Variants in NEMP2 observed in about 807,000 individuals in gnomAD.
The protein encoded by NEMP2 is UPF0571 transmembrane protein.
A neutral mutation model predicts 54.2 loss-of-function variants in NEMP2; 53 were observed. The ratio of observed to expected loss-of-function variants is 0.98; its 90% confidence interval spans 0.78 to 1.23. The LOEUF is 1.23. Ranked by LOEUF, NEMP2 falls within the 50% of genes most tolerant of loss-of-function variation. The pLI, the probability that NEMP2 is intolerant of heterozygous loss-of-function variation, is 0.00. For synonymous variants in NEMP2, 197 were observed against 190.3 expected (o/e 1.04, Z -0.29); for missense variants, 455 against 511.3 (o/e 0.89, Z 1.06).
In NEMP2 at chr2:190,514,474, C is replaced by G. The variant is rs1195183723; in HGVS notation, c.932G>C (p.Arg311Thr). ...ATACCACCTCATATAACTGCATGCTCTCAGTGGGTAGTGCAGACTCCAGGA... is the reference window on the plus strand; with the variant it reads ...ATACCACCTCATATAACTGCATGCTGTCAGTGGGTAGTGCAGACTCCAGGA... ...MSSWSLHYPL[R>T]ACSYMRWKME... The change falls in exon 7 of 9, where the codon AGA becomes ACA. Residue 311 changes from arginine to threonine, a missense_variant. Coordinates refer to ENST00000409150, the MANE Select transcript of NEMP2 (RefSeq NM_001142645.2). This position sits in a 1 kb window ranked among gnomAD's most constrained non-coding sequence, Gnocchi z 5.7. 4 of 1,551,268 alleles carry G rather than the reference C, an allele frequency of 2.6e-6. No homozygotes were observed. The East Asian group carries it at 7.3e-5, about 28-fold the overall frequency.
chr2:190,449,157 A>G, the NEMP2 span, among the ~76,000 whole-genome samples: 1 of 152,126 alleles, frequency 6.6e-6, no homozygotes, highest in African/African-American at 2.4e-5. Flanking sequence ...TTAAAATGAG[A>G]TCAGGTGCAA....
At chr2:190,571,488 A>C in the NEMP2 span, among the ~76,000 whole-genome samples, 1 of 152,074 alleles carries the variant, frequency 6.6e-6, no homozygotes. Flanking sequence ...GGTTGCAGTG[A>C]GCCAAGATCC....
intron 1 of NEMP2, among the ~76,000 whole-genome samples, chr2:190,526,202 T>G (rs945259133): frequency 6.6e-6 from 1 of 152,158 alleles, no homozygotes; most frequent in African/African-American, 2.4e-5. Flanking sequence ...TCTAAAGGAA[T>G]GCAGTCACTG....
At chr2:190,605,449 A>T in the NEMP2 span, among the ~76,000 whole-genome samples, 547 of 151,966 alleles carry the variant, frequency 3.6e-3, 6 homozygotes, top group African/African-American at 0.013. Flanking sequence ...ATCTCAGGTC[A>T]CTGCAACCTT....
the NEMP2 span, among the ~76,000 whole-genome samples, chr2:190,543,172 C>T: frequency 6.6e-6 from 1 of 152,164 alleles, no homozygotes; most frequent in African/African-American, 2.4e-5. The surrounding 1 kb of genome is among the most constrained non-coding windows in gnomAD (Gnocchi z 4.7). Flanking sequence ...CCACCTGTCC[C>T]AAATGAGGGA....
chr2:190,428,829 T>A, the NEMP2 span, among the ~76,000 whole-genome samples: 1 of 152,092 alleles, frequency 6.6e-6, no homozygotes, highest in Non-Finnish European at 1.5e-5. Context: ...TCTGCCACCA[T>A]GCCTGGCTAA....
At chr2:190,483,939 T>C in the NEMP2 span, among the ~76,000 whole-genome samples, 1 of 152,144 alleles carries the variant, frequency 6.6e-6, no homozygotes, top group African/African-American at 2.4e-5. Flanking sequence ...AAGTAAAGTC[T>C]TGGCAGTAGG....
At chr2:190,568,898 G>T in the NEMP2 span, among the ~76,000 whole-genome samples, 1 of 152,138 alleles carries the variant, frequency 6.6e-6, no homozygotes, top group African/African-American at 2.4e-5. The surrounding 1 kb of genome is among the most constrained non-coding windows in gnomAD (Gnocchi z 4.7). Flanking sequence ...TATATTGAAA[G>T]AATAAGAAGA....
the NEMP2 span, among the ~76,000 whole-genome samples, chr2:190,441,317 C>A: frequency 2.0e-5 from 3 of 152,012 alleles, no homozygotes; most frequent in African/African-American, 7.3e-5. Context: ...GCTCCTAATG[C>A]CCAGGTTGCA....
At chr2:190,440,859 C>A in the NEMP2 span, among the ~76,000 whole-genome samples, 1 of 152,102 alleles carries the variant, frequency 6.6e-6, no homozygotes, top group Admixed American at 6.5e-5. Flanking sequence ...GAAGAAAATA[C>A]CTGATGCAGC....
chr2:190,458,417 G>A, the NEMP2 span, among the ~76,000 whole-genome samples: 3 of 152,080 alleles, frequency 2.0e-5, no homozygotes, highest in African/African-American at 7.2e-5. This position sits in a 1 kb window ranked among gnomAD's most constrained non-coding sequence, Gnocchi z 5.3. Flanking sequence ...GCAAGCCAAC[G>A]AGAGGGGCCC....
the NEMP2 span, among the ~76,000 whole-genome samples, chr2:190,590,603 G>A: frequency 6.6e-6 from 1 of 152,116 alleles, no homozygotes; most frequent in Non-Finnish European, 1.5e-5. This position sits in a 1 kb window ranked among gnomAD's most constrained non-coding sequence, Gnocchi z 5.1. Context: ...TACTGGGAAG[G>A]GATCATTTAC....
chr2:190,567,312 G>A, the NEMP2 span, among the ~76,000 whole-genome samples: 1 of 151,972 alleles, frequency 6.6e-6, no homozygotes, highest in African/African-American at 2.4e-5. This position sits in a 1 kb window ranked among gnomAD's most constrained non-coding sequence, Gnocchi z 4.0. Flanking sequence ...TATCCATCTA[G>A]TAGGAACAAT....
At chr2:190,437,310 A>G in the NEMP2 span, 15 of 1,614,126 alleles carry the variant, frequency 9.3e-6, no homozygotes, top group Non-Finnish European at 1.3e-5. This position sits in a 1 kb window ranked among gnomAD's most constrained non-coding sequence, Gnocchi z 5.9. Flanking sequence ...CAACCACCAC[A>G]AGCCACTCGC....
the NEMP2 span, among the ~76,000 whole-genome samples, chr2:190,635,389 A>AT: frequency 5.9e-5 from 9 of 152,140 alleles, no homozygotes; most frequent in Admixed American, 2.0e-4. The surrounding 1 kb of genome is among the most constrained non-coding windows in gnomAD (Gnocchi z 4.1). Context: ...GGCTAATTTT[A>AT]TTTTTTGTAG....
intron 1 of NEMP2, among the ~76,000 whole-genome samples, chr2:190,526,033 A>G (rs557834502): frequency 5.9e-5 from 9 of 152,352 alleles, no homozygotes; most frequent in African/African-American, 2.2e-4. Context: ...TTCAGTAAAG[A>G]TATGGACAGG....
intron 5 of NEMP2, among the ~76,000 whole-genome samples, chr2:190,517,037 G>A (rs1184997747): frequency 6.8e-6 from 1 of 146,996 alleles, no homozygotes; most frequent in Non-Finnish European, 1.5e-5. Context: ...GTTGCAGTGA[G>A]CCAAGATCAT....
chr2:190,450,150 G>A, the NEMP2 span, among the ~76,000 whole-genome samples: 1 of 152,140 alleles, frequency 6.6e-6, no homozygotes, highest in Non-Finnish European at 1.5e-5. Flanking sequence ...TCGTTATCTT[G>A]AGTAATAGAG....
chr2:190,646,560 C>T, the NEMP2 span, among the ~76,000 whole-genome samples: 14 of 152,300 alleles, frequency 9.2e-5, 1 homozygote, highest in South Asian at 2.9e-3. Flanking sequence ...CCTTCATTTT[C>T]CTTCCTCCCA....
Sources: gnomAD v4.1 joint callset for allele counts (sites outside exome capture counted in the v4.1 genomes callset) on GRCh38, gnomAD v4.1.1 for gene constraint, Gnocchi (gnomAD v3.1) non-coding constraint, MANE v1.5 for transcripts, NCBI Gene and HGNC (gene_info 2026-07-23, HGNC 2026-07-21) for gene names.